The following OPCML variants were observed in gnomAD, a reference collection of about 807,000 sequenced individuals.
OPCML encodes opioid-binding protein/cell adhesion molecule.
A neutral mutation model predicts 37.8 loss-of-function variants in OPCML; 13 were observed. That is an observed-to-expected ratio of 0.34 (90% CI 0.22 to 0.55). The LOEUF (loss-of-function observed/expected upper bound fraction) is 0.55. Ranked by LOEUF, OPCML falls within the 20% of genes least tolerant of loss-of-function variation. OPCML has a pLI of 0.91. For missense variants in OPCML, 341 were observed against 435.6 expected (o/e 0.78, Z 1.93); for synonymous variants, 176 against 168.8 (o/e 1.04, Z -0.33).
intron 1 of OPCML, among the ~76,000 whole-genome samples, chr11:133,135,894 GT>G (rs1384953217): frequency 2.0e-5 from 3 of 152,206 alleles, no homozygotes. Context: ...GAAACAAGAG[GT>G]AAGCAGAATG....
At position 132,454,874 on chromosome 11, in the gene OPCML, A is replaced by T. The variant is rs542890911; in HGVS notation, c.506-17515T>A. On this transcript the variant is annotated intron_variant, in intron 4 of 7. Coordinates refer to ENST00000524381, the MANE Select transcript of OPCML (RefSeq NM_001012393.5). The stretch of plus-strand genomic sequence containing the variant: ...ATGTGATTTTCAGTCTAAAATGTCA[A>T]TTTATTTTTTTCAGTAGGGTTTAAT... 2.2e-3 allele frequency among the ~76,000 whole-genome samples: 335 copies of T among 152,292 alleles called. 5 individuals are homozygous for T. The highest frequency in any genetic ancestry group is 5.6e-3 in the South Asian group (27 of 4,826).
intron 1 of OPCML, chr11:133,008,100 C>T (rs1024105571): frequency 4.1e-6 from 4 of 985,304 alleles, no homozygotes; most frequent in Non-Finnish European, 4.8e-6. Context: ...AGGTTTTCAC[C>T]TTCTACTATG....
At chr11:133,240,453 G>A (rs567663305) in intron 1 of OPCML, among the ~76,000 whole-genome samples, 135 of 152,194 alleles carry the variant, frequency 8.9e-4, no homozygotes, top group African/African-American at 3.1e-3. Flanking sequence ...ACCCGTGTTA[G>A]AGTGTGATGT....
At chr11:133,498,712 C>T (rs1318198360) in intron 1 of OPCML, among the ~76,000 whole-genome samples, 1 of 152,178 alleles carries the variant, frequency 6.6e-6, no homozygotes, top group Non-Finnish European at 1.5e-5. Context: ...TGATTTTATG[C>T]TCCACTTAAT....
At chr11:132,681,696 C>T (rs1372613124) in intron 2 of OPCML, among the ~76,000 whole-genome samples, 3 of 152,156 alleles carry the variant, frequency 2.0e-5, no homozygotes, top group Non-Finnish European at 4.4e-5. Context: ...TGGCTCACAC[C>T]TGTAATCCCA....
chr11:133,240,812 T>C (rs891566430), intron 1 of OPCML, among the ~76,000 whole-genome samples: 2 of 152,204 alleles, frequency 1.3e-5, no homozygotes, highest in South Asian at 4.1e-4. Flanking sequence ...TCCCAAATCG[T>C]TAGACTTAAT....
intron 1 of OPCML, among the ~76,000 whole-genome samples, chr11:132,992,062 T>G (rs974109868): frequency 1.3e-5 from 2 of 152,134 alleles, no homozygotes; most frequent in African/African-American, 4.8e-5. Flanking sequence ...CCAATATTAT[T>G]ATGATGAAGC....
chr11:132,681,168 G>A (rs934874083), intron 2 of OPCML, among the ~76,000 whole-genome samples: 10 of 152,176 alleles, frequency 6.6e-5, no homozygotes, highest in Non-Finnish European at 8.8e-5. Flanking sequence ...AGAGGAGGCA[G>A]GGAAATTCTA....
At chr11:132,554,306 T>C (rs977135927) in intron 3 of OPCML, among the ~76,000 whole-genome samples, 7 of 152,244 alleles carry the variant, frequency 4.6e-5, no homozygotes, top group Admixed American at 4.6e-4. Flanking sequence ...AATCTTTAGT[T>C]GGCTCCCACA....
At chr11:132,979,201 C>T (rs886636229) in intron 1 of OPCML, among the ~76,000 whole-genome samples, 2 of 152,176 alleles carry the variant, frequency 1.3e-5, no homozygotes, top group East Asian at 1.9e-4. Context: ...CGGATCACTC[C>T]GCACTTTCTG....
At chr11:132,606,407 T>C (rs890664715) in intron 3 of OPCML, among the ~76,000 whole-genome samples, 2 of 152,270 alleles carry the variant, frequency 1.3e-5, no homozygotes, top group East Asian at 1.9e-4. Context: ...GCCCTGCTCG[T>C]CTTAGACCTC....
At chr11:133,528,111 G>A (rs1948525668) in intron 1 of OPCML, among the ~76,000 whole-genome samples, 2 of 152,214 alleles carry the variant, frequency 1.3e-5, no homozygotes, top group African/African-American at 4.8e-5. Context: ...AGGACCGAGG[G>A]AACATGGGAG....
intron 3 of OPCML, among the ~76,000 whole-genome samples, chr11:132,582,300 G>A (rs2096463768): frequency 6.6e-6 from 1 of 151,972 alleles, no homozygotes; most frequent in East Asian, 1.9e-4. Context: ...GACATTGAAA[G>A]AAAGATCATA....
intron 4 of OPCML, among the ~76,000 whole-genome samples, chr11:132,487,127 C>G (rs980344439): frequency 6.6e-6 from 1 of 152,172 alleles, no homozygotes. Flanking sequence ...TCTCTCATCT[C>G]CAGTGAGGAT....
intron 1 of OPCML, among the ~76,000 whole-genome samples, chr11:133,528,046 G>C (rs1437164117): frequency 6.6e-6 from 1 of 152,234 alleles, no homozygotes; most frequent in Non-Finnish European, 1.5e-5. Context: ...TAATTTTCTA[G>C]GTTACAGAGA....
intron 1 of OPCML, among the ~76,000 whole-genome samples, chr11:132,968,183 C>T (rs1352947976): frequency 6.6e-6 from 1 of 152,222 alleles, no homozygotes; most frequent in Non-Finnish European, 1.5e-5. Flanking sequence ...TCAAACTCCA[C>T]TTGCTCATTA....
chr11:133,497,901 C>A (rs1373862272), intron 1 of OPCML, among the ~76,000 whole-genome samples: 2 of 152,244 alleles, frequency 1.3e-5, no homozygotes, highest in Non-Finnish European at 2.9e-5. Context: ...CATCTCCCCA[C>A]TGCAAGTGAA....
intron 1 of OPCML, among the ~76,000 whole-genome samples, chr11:133,227,412 G>A (rs1226351051): frequency 6.6e-6 from 1 of 152,178 alleles, no homozygotes; most frequent in Non-Finnish European, 1.5e-5. Flanking sequence ...TAATAGGGCG[G>A]TGTGCTGCCA....
chr11:133,484,852 T>C (rs1312692905), intron 1 of OPCML, among the ~76,000 whole-genome samples: 1 of 152,076 alleles, frequency 6.6e-6, no homozygotes, highest in Non-Finnish European at 1.5e-5. Flanking sequence ...TCAACAACAT[T>C]ATTACTGTTA....
Sources: gnomAD v4.1 joint callset for allele counts (sites outside exome capture counted in the v4.1 genomes callset) on GRCh38, gnomAD v4.1.1 for gene constraint, MANE v1.5 for transcripts, NCBI Gene and HGNC (gene_info 2026-07-23, HGNC 2026-07-21) for gene names.